Variants in NSUN7 observed in about 807,000 individuals in gnomAD.
The protein encoded by NSUN7 is NOP2/Sun RNA methyltransferase family member 7, also known as protein NSUN7.
A neutral mutation model predicts 58.5 loss-of-function variants in NSUN7; 39 were observed. That is an observed-to-expected ratio of 0.67 (90% CI 0.52 to 0.87). The LOEUF (loss-of-function observed/expected upper bound fraction) is 0.87, where lower values mean the gene tolerates loss of function less well. Among genes scored for constraint, NSUN7 ranks in the 40% least tolerant of loss-of-function variants. The pLI, the probability that NSUN7 is intolerant of heterozygous loss-of-function variation, is 0.00. For synonymous variants in NSUN7, 278 were observed against 303.7 expected, an observed-to-expected ratio of 0.92 and a Z score of 0.88; for missense variants, 765 against 844.1, an observed-to-expected ratio of 0.91 and a Z score of 1.16.
Position 40,811,043 on chromosome 4 carries a change from A to C in NSUN7, c.*2104A>C, listed in dbSNP as rs747123198. On this transcript the variant is annotated 3_prime_UTR_variant, in exon 12 of 12. Transcript: ENST00000381782. ...CATTGTTATGGAATAGTTTAGGATA[A>C]TTTTCTGATCTCTACAGTAGCATGT... The C allele has an allele frequency of 6.6e-6, 1 of 152,110 alleles. No homozygotes were observed. Among genetic ancestry groups the C allele is most frequent in the African/African-American group, 2.4e-5 (1 of 41,420 alleles). The allele number at this position is 152,110 out of a possible 1,614,324, so 9.4% of individuals were successfully genotyped here.
intron 7 of NSUN7, among the ~76,000 whole-genome samples, 187 bp from the exon 8 acceptor site, chr4:40,790,415 A>G (rs954301541): frequency 7.9e-5 from 12 of 152,244 alleles, no homozygotes; most frequent in African/African-American, 2.9e-4. Flanking sequence ...AAAACATTCT[A>G]TTAATAGGAT....
At chr4:40,797,193 AACAC>A (rs1420842601) in intron 9 of NSUN7, among the ~76,000 whole-genome samples, 12 of 151,952 alleles carry the variant, frequency 7.9e-5, no homozygotes, top group Non-Finnish European at 1.6e-4. Flanking sequence ...TCTCTGTCTC[AACAC>A]CCTGTTTAAC....
intron 7 of NSUN7, among the ~76,000 whole-genome samples, chr4:40,788,359 A>G (rs1260708322): frequency 6.6e-6 from 1 of 152,190 alleles, no homozygotes; most frequent in East Asian, 1.9e-4. Flanking sequence ...TTAGGTAGTA[A>G]AGAAATCTAA....
chr4:40,757,228 CAAT>C (rs1201931996), intron 2 of NSUN7, among the ~76,000 whole-genome samples: 1 of 151,952 alleles, frequency 6.6e-6, no homozygotes, highest in East Asian at 1.9e-4. Context: ...GATTCCATCT[CAAT>C]AAATAAATAA....
intron 7 of NSUN7, among the ~76,000 whole-genome samples, chr4:40,788,292 T>G (rs1391183167): frequency 6.6e-6 from 1 of 152,166 alleles, no homozygotes; most frequent in Non-Finnish European, 1.5e-5. Flanking sequence ...AGATACATAT[T>G]TGGGATTTGT....
In NSUN7 at chr4:40,775,765, A is replaced by G. The variant is rs1156920086; in HGVS notation, c.826-284A>G. 6.6e-6 allele frequency among the ~76,000 whole-genome samples: 1 copy of G among 152,196 alleles called. No individual in the cohort carries two copies. Among genetic ancestry groups the G allele is most frequent in the Admixed American group, 6.5e-5 (1 of 15,276 alleles). ...GGGTAAGAATGGGAGTTAAGATAGG[A>G]CATCATTAATCTGTTGACCATATTT... On this transcript the variant is annotated intron_variant, in intron 6 of 11. Transcript: ENST00000381782. This position sits in a 1 kb window ranked among gnomAD's most constrained non-coding sequence, Gnocchi z 4.3.
chr4:40,786,795 T>G lies in NSUN7; in HGVS notation c.1037-3807T>G, dbSNP rs912082658. 16 of 1,391,148 alleles carry G rather than the reference T, an allele frequency of 1.2e-5. No homozygotes were observed. In the Admixed American group the frequency reaches 3.7e-4, roughly 33 times the overall value. 86.2% of individuals were successfully genotyped at this position (1,391,148 alleles called of 1,614,324 possible). ...AATAGAAGAGTGTCTACAGCGTGGT[T>G]TGCCTGCCTGTCTGCCCTCCTGGAT... On this transcript the variant is annotated intron_variant, in intron 7 of 11. Coordinates refer to ENST00000381782, the MANE Select transcript of NSUN7 (RefSeq NM_024677.6).
Position 40,765,734 on chromosome 4 carries a change from C to G in NSUN7, c.488+4433C>G, listed in dbSNP as rs188119127. ...ATGAGCATGGAATGTTCTTCCATTT[C>G]TTGGTATCCTCTTTTATTTCATTGA... On this transcript the variant is annotated intron_variant, in intron 4 of 11. Transcript: ENST00000381782. Among the ~76,000 whole-genome samples, 1,513 of 152,106 alleles carry G rather than the reference C, an allele frequency of 9.9e-3. 12 individuals are homozygous for G. Among genetic ancestry groups the G allele is most frequent in the Non-Finnish European group, 0.014 (984 of 67,942 alleles).
intron 4 of NSUN7, among the ~76,000 whole-genome samples, chr4:40,771,820 A>T (rs2154287461): frequency 6.6e-6 from 1 of 151,066 alleles, no homozygotes; most frequent in Middle Eastern, 3.4e-3. Context: ...GGTAAAAAAG[A>T]TAATCAGGCA....
chr4:40,809,580 A>T lies in NSUN7; in HGVS notation c.*641A>T, dbSNP rs1047771922. 6.6e-6 allele frequency: 1 copy of T among 152,348 alleles called. No homozygotes were observed. The highest frequency in any genetic ancestry group is 1.9e-4 in the East Asian group (1 of 5,192). 9.4% of individuals were successfully genotyped at this position (152,348 alleles called of 1,614,324 possible). On this transcript the variant is annotated 3_prime_UTR_variant, in exon 12 of 12. Transcript: ENST00000381782. The stretch of plus-strand genomic sequence containing the variant: ...TGGGGGAGCTTCCAGGATCCTGAGC[A>T]GACTGGACACAATCATCTCTCCCTT...
chr4:40,752,301 A>G (rs1740873687), intron 2 of NSUN7, among the ~76,000 whole-genome samples: 1 of 152,212 alleles, frequency 6.6e-6, no homozygotes, highest in African/African-American at 2.4e-5. Flanking sequence ...GTTCAGCCAG[A>G]TGCGGTGGCT....
chr4:40,802,778 C>T (rs370429876), intron 10 of NSUN7, among the ~76,000 whole-genome samples: 43 of 136,074 alleles, frequency 3.2e-4, no homozygotes, highest in African/African-American at 1.1e-3. Context: ...GTACTGCATT[C>T]TATTCTTTTT....
intron 4 of NSUN7, among the ~76,000 whole-genome samples, chr4:40,763,170 T>C (rs1468532091): frequency 6.6e-6 from 1 of 152,190 alleles, no homozygotes; most frequent in African/African-American, 2.4e-5. Flanking sequence ...CTTAGCATAG[T>C]GAGGCTTGGC....
intron 1 of NSUN7, 143 bp from the exon 2 acceptor site, chr4:40,750,460 T>TTTA: frequency 1.0e-5 from 3 of 301,494 alleles, no homozygotes; most frequent in Non-Finnish European, 1.8e-5. Context: ...TTTTTTTTTT[T>TTTA]GAGCGTCCCA....
Position 40,750,734 on chromosome 4 carries a change from A to T in NSUN7, c.41A>T (p.Glu14Val). ...STGELEFSNE[E>V]DPEIISQLTS... ...GGCGAACTGGAGTTTTCGAACGAAG[A>T]AGATCCCGAGATCATCTCCCAACTC... Residue 14 changes from glutamate to valine, a missense_variant, in exon 2 of 12, where the codon GAA becomes GTA. By Grantham distance (121) the Glu-to-Val change is moderately radical. Coordinates refer to ENST00000381782, the MANE Select transcript of NSUN7 (RefSeq NM_024677.6). 1 of 1,613,972 alleles carries T rather than the reference A, an allele frequency of 6.2e-7. No individual in the cohort carries two copies.
chr4:40,788,777 G>C (rs1742949608), intron 7 of NSUN7, among the ~76,000 whole-genome samples: 1 of 152,208 alleles, frequency 6.6e-6, no homozygotes, highest in Non-Finnish European at 1.5e-5. Flanking sequence ...TGTGTGTTGT[G>C]TGTAGGTTTG....
rs1182355274 is a variant in NSUN7, at chr4:40,750,750, C to G, written c.57C>G (p.Ile19Met). ...CGAACGAAGAAGATCCCGAGATCAT[C>G]TCCCAACTCACTTCCCTGCCTCTGT... Reference protein sequence around the residue: ...EFSNEEDPEIISQLTSLPLSG... With the variant: ...EFSNEEDPEIMSQLTSLPLSG... The change falls in exon 2 of 12, where the codon ATC becomes ATG. Residue 19 changes from isoleucine to methionine, a missense_variant. Ile to Met is a conservative substitution (Grantham distance 10). Coordinates refer to ENST00000381782, the MANE Select transcript of NSUN7 (RefSeq NM_024677.6). The G allele has an allele frequency of 3.1e-6, 5 of 1,614,192 alleles. No individual in the cohort carries two copies. The Admixed American group carries it at 8.3e-5, about 27-fold the overall frequency.
intron 2 of NSUN7, among the ~76,000 whole-genome samples, chr4:40,755,157 T>G (rs1456154530): frequency 6.6e-6 from 1 of 152,190 alleles, no homozygotes; most frequent in Admixed American, 6.6e-5. Flanking sequence ...TGGCGCGATC[T>G]CGGCTCACTG....
chr4:40,763,314 C>T (rs1382116289), intron 4 of NSUN7, among the ~76,000 whole-genome samples: 1 of 152,100 alleles, frequency 6.6e-6, no homozygotes, highest in Non-Finnish European at 1.5e-5. Flanking sequence ...GGATCTTGCG[C>T]CTGTTTACTT....
Sources: allele counts gnomAD v4.1 joint callset (sites outside exome capture counted in the v4.1 genomes callset), GRCh38; gene constraint gnomAD v4.1.1; non-coding constraint Gnocchi (gnomAD v3.1); transcripts MANE v1.5; gene names NCBI Gene and HGNC (gene_info 2026-07-23, HGNC 2026-07-21).